FBXL7: variants seen among roughly 807,000 people sequenced by gnomAD.
FBXL7 encodes the protein F-box/LRR-repeat protein 7.
Under a neutral mutation model 38.3 loss-of-function variants are expected in FBXL7, and 12 were observed. The observed-to-expected ratio is 0.31, with a 90% CI of 0.20 to 0.51. The LOEUF is 0.51. Ranked by LOEUF, FBXL7 falls within the 20% of genes least tolerant of loss-of-function variation. FBXL7 has a pLI of 0.98. For synonymous variants in FBXL7, 297 were observed against 300.9 expected, an observed-to-expected ratio of 0.99 and a Z score of 0.13; for missense variants, 567 against 676.4, an observed-to-expected ratio of 0.84 and a Z score of 1.79.
At chr5:15,696,216 A>G (rs1410618855) in intron 2 of FBXL7, among the ~76,000 whole-genome samples, 2 of 152,198 alleles carry the variant, frequency 1.3e-5, no homozygotes, top group Admixed American at 6.5e-5. Flanking sequence ...CTCTCATTTC[A>G]GAAAGCAATA....
At chr5:15,563,443 A>T (rs1738473929) in intron 1 of FBXL7, among the ~76,000 whole-genome samples, 1 of 152,114 alleles carries the variant, frequency 6.6e-6, no homozygotes, top group South Asian at 2.1e-4. Context: ...ACATTTGTTG[A>T]GTTCATGCTG....
chr5:15,501,860 A>ATGTGTGTGTGTGTGTGTG (rs919218470), intron 1 of FBXL7: 1 of 347,900 alleles, frequency 2.9e-6, no homozygotes, highest in African/African-American at 2.6e-5. Context: ...CCATATGTGC[A>ATGTGTGTGTGTGTGTGTG]TGTGTATGTG....
intron 2 of FBXL7, among the ~76,000 whole-genome samples, chr5:15,881,092 A>G (rs1740432924): frequency 6.6e-6 from 1 of 152,104 alleles, no homozygotes; most frequent in African/African-American, 2.4e-5. Context: ...GGTTACATGA[A>G]TAAGTTCTTT....
At chr5:15,514,228 A>G (rs1050463892) in intron 1 of FBXL7, among the ~76,000 whole-genome samples, 5 of 152,194 alleles carry the variant, frequency 3.3e-5, no homozygotes, top group African/African-American at 7.2e-5. Flanking sequence ...ATTCAATCCA[A>G]TGTTGAAATT....
chr5:15,858,823 T>TA (rs1277208292), intron 2 of FBXL7, among the ~76,000 whole-genome samples: 4 of 152,174 alleles, frequency 2.6e-5, no homozygotes, highest in Admixed American at 2.6e-4. Context: ...TTTTTCCACT[T>TA]ACTATACTCA....
intron 2 of FBXL7, among the ~76,000 whole-genome samples, chr5:15,849,847 C>T (rs1301996236): frequency 1.3e-5 from 2 of 152,186 alleles, no homozygotes; most frequent in East Asian, 3.8e-4. Context: ...TTAGCTTCTG[C>T]CTCGTCTGTT....
chr5:15,523,223 C>A (rs1267382551), intron 1 of FBXL7, among the ~76,000 whole-genome samples: 3 of 152,150 alleles, frequency 2.0e-5, no homozygotes, highest in Non-Finnish European at 2.9e-5. Flanking sequence ...GCTGCTTTAA[C>A]AAGAGACCAT....
intron 1 of FBXL7, among the ~76,000 whole-genome samples, chr5:15,600,926 C>CA (rs1429498434): frequency 6.6e-6 from 1 of 152,190 alleles, no homozygotes; most frequent in African/African-American, 2.4e-5. Flanking sequence ...CACACAGACT[C>CA]AAAGGATAAT....
chr5:15,503,476 C>A (rs1736557228), intron 1 of FBXL7, among the ~76,000 whole-genome samples: 2 of 152,198 alleles, frequency 1.3e-5, no homozygotes, highest in African/African-American at 2.4e-5. Context: ...TGGCCAATCC[C>A]AGCAGCCATA....
Position 15,925,937 on chromosome 5 carries a change from A to G in FBXL7, c.128-1953A>G, listed in dbSNP as rs369285621. 1.2e-4 allele frequency among the ~76,000 whole-genome samples: 19 copies of G among 152,312 alleles called. No homozygotes were observed. In the East Asian group the frequency reaches 1.5e-3, roughly 12 times the overall value. ...TTTTACTTTCAGTACAGTATTCAAT[A>G]AGTCACGTGAGATATTCAACACTTC... On this transcript the variant is annotated intron_variant, in intron 2 of 3. Transcript: ENST00000504595.
At chr5:15,516,113 C>T (rs544390996) in intron 1 of FBXL7, among the ~76,000 whole-genome samples, 1 of 152,122 alleles carries the variant, frequency 6.6e-6, no homozygotes, top group African/African-American at 2.4e-5. Flanking sequence ...TTTGATACAC[C>T]GAGTACTTTG....
At chr5:15,581,255 T>G (rs1281390733) in intron 1 of FBXL7, among the ~76,000 whole-genome samples, 1 of 151,924 alleles carries the variant, frequency 6.6e-6, no homozygotes, top group Non-Finnish European at 1.5e-5. Context: ...ATTATGTCAT[T>G]AAAAAAAATC....
At chr5:15,799,677 A>G (rs1239672367) in intron 2 of FBXL7, among the ~76,000 whole-genome samples, 1 of 152,190 alleles carries the variant, frequency 6.6e-6, no homozygotes, top group Non-Finnish European at 1.5e-5. Context: ...TCTTTCTAAA[A>G]AGGAAAAAAG....
At chr5:15,765,641 T>A (rs147376547) in intron 2 of FBXL7, among the ~76,000 whole-genome samples, 41 of 152,246 alleles carry the variant, frequency 2.7e-4, no homozygotes, top group East Asian at 2.5e-3. Flanking sequence ...GTGCGGGGAA[T>A]GATAAAATAG....
In FBXL7 at chr5:15,506,111, AT is replaced by A. The variant is rs1294300805; in HGVS notation, c.37+5410del. On this transcript the variant is annotated intron_variant, in intron 1 of 3. Transcript: ENST00000504595. ...TAAATCTTAGCAGCCTCAGCATACA[AT>A]TTTTTTTTTTTCCTGAAGAACTTTC... Among the ~76,000 whole-genome samples the A allele has an allele frequency of 6.3e-3, 929 of 147,292 alleles. 3 individuals are homozygous for A. Among genetic ancestry groups the A allele is most frequent in the Non-Finnish European group, 7.9e-3 (527 of 66,508 alleles).
intron 2 of FBXL7, among the ~76,000 whole-genome samples, chr5:15,755,486 A>G (rs1736273576): frequency 6.6e-6 from 1 of 152,186 alleles, no homozygotes; most frequent in African/African-American, 2.4e-5. Context: ...GTGTTGTCCC[A>G]TCTATCTAAT....
intron 2 of FBXL7, among the ~76,000 whole-genome samples, chr5:15,842,928 A>G (rs1017869046): frequency 6.6e-6 from 1 of 152,222 alleles, no homozygotes; most frequent in African/African-American, 2.4e-5. Flanking sequence ...AGAATAATAC[A>G]AAGCTGTACC....
In FBXL7 at chr5:15,722,806, C is replaced by T. The variant is rs184202360; in HGVS notation, c.127+106734C>T. ...AGCGTGGTGGTGCATGCCTGTAGTC[C>T]CAGCTACTCGGAAGGCTGAGGCAGG... On this transcript the variant is annotated intron_variant, in intron 2 of 3. Coordinates refer to ENST00000504595, the MANE Select transcript of FBXL7 (RefSeq NM_012304.5). 6.6e-5 allele frequency among the ~76,000 whole-genome samples: 10 copies of T among 151,952 alleles called. No individual in the cohort carries two copies. The East Asian group carries it at 2.0e-3, about 30-fold the overall frequency.
At chr5:15,621,104 G>A (rs554969908) in intron 2 of FBXL7, among the ~76,000 whole-genome samples, 21 of 152,314 alleles carry the variant, frequency 1.4e-4, no homozygotes, top group African/African-American at 5.1e-4. Flanking sequence ...GACCCACTGG[G>A]AGTGTTCCAT....
Sources: allele counts gnomAD v4.1 joint callset (sites outside exome capture counted in the v4.1 genomes callset), GRCh38; gene constraint gnomAD v4.1.1; transcripts MANE v1.5; gene names NCBI Gene and HGNC (gene_info 2026-07-23, HGNC 2026-07-21).